PCCA: variants seen among roughly 807,000 people sequenced by gnomAD.
The protein encoded by PCCA is propionyl-CoA carboxylase subunit alpha, also known as propionyl-CoA carboxylase alpha chain, mitochondrial.
Under a neutral mutation model 101.3 loss-of-function variants are expected in PCCA, and 74 were observed. The ratio of observed to expected loss-of-function variants is 0.73; its 90% CI spans 0.61 to 0.89. The LOEUF is 0.89. Ranked by LOEUF, PCCA falls within the 40% of genes least tolerant of loss-of-function variation. PCCA has a pLI of 0.00. For synonymous variants in PCCA, 294 were observed against 313.6 expected (o/e 0.94, Z 0.66); for missense variants, 891 against 907.0 (o/e 0.98, Z 0.23).
At chr13:100,323,568 G>A (rs932124504) in intron 16 of PCCA, among the ~76,000 whole-genome samples, 5 of 151,698 alleles carry the variant, frequency 3.3e-5, no homozygotes, top group East Asian at 1.9e-4. Context: ...CTCCTGCCTC[G>A]GCCTCCCAAA....
At chr13:100,155,223 G>A (rs916913935) in intron 5 of PCCA, 131 bp downstream of exon 5, 34 of 696,716 alleles carry the variant, frequency 4.9e-5, no homozygotes, top group African/African-American at 4.7e-4. Flanking sequence ...TGTCACATGA[G>A]TTAAATGTGG....
rs554648041 is a variant in PCCA at position 100,452,517 on chromosome 13, G to C, written c.1899+3212G>C. Among the ~76,000 whole-genome samples, 379 of 152,292 alleles carry C rather than the reference G, an allele frequency of 2.5e-3. 1 individual carries two copies. Among genetic ancestry groups the C allele is most frequent in the Non-Finnish European group, 3.8e-3 (261 of 68,030 alleles). ...TAAGAACATCTGCCCCTACATGTCT[G>C]CTCAGGGGTTTCCTCACTTTCTTCC... is the stretch of plus-strand genomic sequence containing the variant. On this transcript the variant is annotated intron_variant, in intron 21 of 23. Coordinates refer to ENST00000376285, the MANE Select transcript of PCCA (RefSeq NM_000282.4).
chr13:100,140,390 G>C (rs1040526388), intron 4 of PCCA, among the ~76,000 whole-genome samples: 2 of 152,208 alleles, frequency 1.3e-5, no homozygotes, highest in African/African-American at 4.8e-5. Flanking sequence ...AAAATTACTT[G>C]GGGGTTGGGG....
chr13:100,095,564 G>C (rs1173687887), intron 1 of PCCA, among the ~76,000 whole-genome samples: 1 of 152,188 alleles, frequency 6.6e-6, no homozygotes, highest in Non-Finnish European at 1.5e-5. Flanking sequence ...GACCATGGGG[G>C]ACATTTCTGA....
chr13:100,238,251 T>A (rs1206884719), intron 8 of PCCA, among the ~76,000 whole-genome samples: 1 of 152,130 alleles, frequency 6.6e-6, no homozygotes, highest in Non-Finnish European at 1.5e-5. Context: ...TTTTCCACTT[T>A]CGTTATAACC....
intron 17 of PCCA, among the ~76,000 whole-genome samples, chr13:100,334,598 T>C (rs1009123120): frequency 1.3e-5 from 2 of 152,152 alleles, no homozygotes; most frequent in African/African-American, 4.8e-5. Context: ...GAGAAAGACT[T>C]AATGAACTAA....
At chr13:100,301,940 A>G (rs1437246557) in intron 13 of PCCA, among the ~76,000 whole-genome samples, 1 of 152,182 alleles carries the variant, frequency 6.6e-6, no homozygotes, top group African/African-American at 2.4e-5. Context: ...AACAACACTA[A>G]CAAGAAGTAG....
intron 6 of PCCA, among the ~76,000 whole-genome samples, chr13:100,205,271 C>T (rs1010622600): frequency 2.6e-5 from 4 of 152,190 alleles, no homozygotes; most frequent in African/African-American, 9.7e-5. Context: ...ACATTTGAAA[C>T]ATGCTCCATC....
chr13:100,099,374 G>A (rs2047066613), intron 1 of PCCA, among the ~76,000 whole-genome samples: 1 of 146,796 alleles, frequency 6.8e-6, no homozygotes, highest in Non-Finnish European at 1.5e-5. Context: ...CTGGAGTGCA[G>A]TGGCGTGATC....
chr13:100,496,471 T>G (rs2085286351), intron 21 of PCCA, among the ~76,000 whole-genome samples: 2 of 152,138 alleles, frequency 1.3e-5, no homozygotes, highest in African/African-American at 4.8e-5. Flanking sequence ...ACAGTCAGGT[T>G]GTTACTCATT....
intron 21 of PCCA, among the ~76,000 whole-genome samples, chr13:100,494,171 G>C (rs1172926081): frequency 6.6e-6 from 1 of 151,980 alleles, no homozygotes; most frequent in African/African-American, 2.4e-5. Context: ...CCTGGTGACA[G>C]AGGAGACTCT....
chr13:100,457,049 G>C (rs1433788400), intron 21 of PCCA, among the ~76,000 whole-genome samples: 2 of 152,146 alleles, frequency 1.3e-5, no homozygotes, highest in African/African-American at 2.4e-5. Flanking sequence ...CTCACCTCTT[G>C]CCTTCTAGGT....
intron 8 of PCCA, among the ~76,000 whole-genome samples, chr13:100,253,288 T>A (rs980960928): frequency 1.3e-5 from 2 of 152,168 alleles, no homozygotes; most frequent in Non-Finnish European, 2.9e-5. Context: ...TCCACCCGAC[T>A]CAGACATATA....
At chr13:100,097,840 C>G (rs898737185) in intron 1 of PCCA, among the ~76,000 whole-genome samples, 2 of 152,060 alleles carry the variant, frequency 1.3e-5, no homozygotes, top group Non-Finnish European at 2.9e-5. Flanking sequence ...AGTGAGAACC[C>G]CCCAGCCGCC....
At chr13:100,495,151 C>T (rs1422246745) in intron 21 of PCCA, among the ~76,000 whole-genome samples, 3 of 152,126 alleles carry the variant, frequency 2.0e-5, no homozygotes, top group South Asian at 2.1e-4. Flanking sequence ...CCCCGCTAAC[C>T]GTCCCACCCA....
chr13:100,099,679 G>A (rs2047101654), intron 1 of PCCA, among the ~76,000 whole-genome samples: 1 of 151,870 alleles, frequency 6.6e-6, no homozygotes, highest in African/African-American at 2.4e-5. Flanking sequence ...TTGTTTCCCT[G>A]TTTGCAGTGG....
At chr13:100,403,441 G>A (rs989861723) in intron 19 of PCCA, among the ~76,000 whole-genome samples, 2 of 152,162 alleles carry the variant, frequency 1.3e-5, no homozygotes, top group Admixed American at 1.3e-4. Flanking sequence ...TGCTTCTGGG[G>A]AGGTCTCAGG....
chr13:100,323,088 T>G (rs548354370), intron 16 of PCCA, among the ~76,000 whole-genome samples: 24 of 152,260 alleles, frequency 1.6e-4, no homozygotes, highest in Non-Finnish European at 3.1e-4. Context: ...GTTTTAGACT[T>G]TGTGGGACAC....
intron 18 of PCCA, among the ~76,000 whole-genome samples, chr13:100,355,372 G>C (rs1384976474): frequency 6.6e-6 from 1 of 152,098 alleles, no homozygotes; most frequent in African/African-American, 2.4e-5. Flanking sequence ...TTGGAGAGAA[G>C]TCAACTTACC....
Sources: gnomAD v4.1 joint callset for allele counts (sites outside exome capture counted in the v4.1 genomes callset) on GRCh38, gnomAD v4.1.1 for gene constraint, MANE v1.5 for transcripts, NCBI Gene and HGNC (gene_info 2026-07-23, HGNC 2026-07-21) for gene names.